The following MMP16 variants were observed in gnomAD, a reference collection of about 807,000 sequenced individuals.
The protein encoded by MMP16 is matrix metalloproteinase-16.
In MMP16, 12 loss-of-function variants were observed where a neutral mutation model predicts 67.8. The observed-to-expected ratio is 0.18, with a 90% CI of 0.11 to 0.29. The LOEUF is 0.29. Ranked by LOEUF, MMP16 falls within the 10% of genes least tolerant of loss-of-function variation. The pLI is 1.00. For missense variants in MMP16, 475 were observed against 765.7 expected, an observed-to-expected ratio of 0.62 and a Z score of 4.48; for synonymous variants, 249 against 255.9, an observed-to-expected ratio of 0.97 and a Z score of 0.26.
chr8:88,218,568 G>A, intron 1 of MMP16, among the ~76,000 whole-genome samples: 1 of 151,984 alleles, frequency 6.6e-6, no homozygotes, highest in East Asian at 1.9e-4. Flanking sequence ...CACAATGTAT[G>A]TTTATCAAAA....
chr8:88,181,344 T>C lies in MMP16; in HGVS notation c.404+5132A>G, dbSNP rs192478475. Among the ~76,000 whole-genome samples, 436 of 152,142 alleles carry C rather than the reference T, an allele frequency of 2.9e-3. 3 individuals are homozygous for C. Among genetic ancestry groups the C allele is most frequent in the African/African-American group, 1.0e-2 (415 of 41,552 alleles). ...AAGCAATTATAGTAAAGTTGCAGGA[T>C]ACAAGGTTAATATATAAAAGTCAAT... On this transcript the variant is annotated intron_variant, in intron 3 of 9. Transcript: ENST00000286614.
chr8:88,226,780 T>C (rs1048136205), intron 1 of MMP16, among the ~76,000 whole-genome samples: 2 of 152,012 alleles, frequency 1.3e-5, no homozygotes, highest in African/African-American at 4.8e-5. Flanking sequence ...CAGTTGACCA[T>C]TCTGGTCAGC....
At chr8:88,172,385 G>A (rs552898913) in intron 3 of MMP16, among the ~76,000 whole-genome samples, 12 of 152,242 alleles carry the variant, frequency 7.9e-5, no homozygotes, top group African/African-American at 1.2e-4. Context: ...TAGAGCTAGA[G>A]TTCTGAACTA....
intron 3 of MMP16, among the ~76,000 whole-genome samples, chr8:88,170,572 G>C (rs182531874): frequency 6.6e-6 from 1 of 152,152 alleles, no homozygotes; most frequent in Non-Finnish European, 1.5e-5. Context: ...CACTGTTCCA[G>C]GTGCCAGAGA....
intron 1 of MMP16, among the ~76,000 whole-genome samples, chr8:88,267,034 T>G (rs1038157255): frequency 5.9e-5 from 9 of 152,202 alleles, no homozygotes; most frequent in Non-Finnish European, 1.2e-4. Flanking sequence ...AATGCTAATT[T>G]CTATGGCACT....
intron 1 of MMP16, among the ~76,000 whole-genome samples, chr8:88,265,221 TCC>T (rs1810455441): frequency 1.7e-5 from 2 of 117,912 alleles, no homozygotes; most frequent in Admixed American, 1.2e-4. Flanking sequence ...AATGACCATT[TCC>T]TTTTTTTTTT....
intron 6 of MMP16, among the ~76,000 whole-genome samples, chr8:88,098,455 A>T (rs923732110): frequency 6.6e-6 from 1 of 151,930 alleles, no homozygotes; most frequent in Non-Finnish European, 1.5e-5. Flanking sequence ...CTACCCTATG[A>T]TCCAGTGTCA....
Position 88,033,667 on chromosome 8 carries a change from C to T in MMP16, c.*7794G>A, listed in dbSNP as rs1354260481. The T allele has an allele frequency of 1.3e-5, 2 of 151,834 alleles. No individual in the cohort carries two copies. The highest frequency in any genetic ancestry group is 2.9e-5 in the Non-Finnish European group (2 of 67,900). The allele number at this position is 151,834 out of a possible 1,614,324, so 9.4% of individuals were successfully genotyped here. ...AGATCTATTTGTTTAAAATCAGATA[C>T]CTAAAAAAATCTTTCAAAACTTTTA... On this transcript the variant is annotated 3_prime_UTR_variant, in exon 10 of 10. Transcript: ENST00000286614.
At chr8:88,278,631 C>G (rs538955221) in intron 1 of MMP16, among the ~76,000 whole-genome samples, 3 of 152,206 alleles carry the variant, frequency 2.0e-5, no homozygotes, top group African/African-American at 4.8e-5. Flanking sequence ...AACAAACACA[C>G]AAGAAGCATG....
chr8:88,232,718 C>T (rs1809881033), intron 1 of MMP16, among the ~76,000 whole-genome samples: 1 of 152,138 alleles, frequency 6.6e-6, no homozygotes, highest in Non-Finnish European at 1.5e-5. Flanking sequence ...AACACCTATC[C>T]TGCACAGTGA....
chr8:88,327,326 T>G lies in MMP16; in HGVS notation c.-120A>C. On this transcript the variant is annotated 5_prime_UTR_variant, in exon 1 of 10. Coordinates refer to ENST00000286614, the MANE Select transcript of MMP16 (RefSeq NM_005941.5). The stretch of plus-strand genomic sequence containing the variant: ...TCCGGGTGGGTAAGGAGCCTGCAGG[T>G]TCACCCACAGCCGGGCAAGGGGAGG... 259 of 1,210,708 alleles carry G rather than the reference T, an allele frequency of 2.1e-4. No individual in the cohort carries two copies. Among genetic ancestry groups the G allele is most frequent in the East Asian group, 4.9e-4 (18 of 36,366 alleles). The allele number at this position is 1,210,708 out of a possible 1,614,324, so 75.0% of individuals were successfully genotyped here.
intron 8 of MMP16, among the ~76,000 whole-genome samples, chr8:88,047,108 T>C (rs1391739963): frequency 6.6e-6 from 1 of 152,196 alleles, no homozygotes; most frequent in African/African-American, 2.4e-5. Context: ...GCTAAGTATA[T>C]TTATAGTTCA....
chr8:88,138,990 G>T (rs1808168264), intron 4 of MMP16, among the ~76,000 whole-genome samples: 1 of 152,060 alleles, frequency 6.6e-6, no homozygotes. Flanking sequence ...ATTTGAAAAT[G>T]TTTCTGGTAA....
chr8:88,307,456 T>C (rs919793077), intron 1 of MMP16, among the ~76,000 whole-genome samples: 4 of 152,068 alleles, frequency 2.6e-5, no homozygotes, highest in Admixed American at 1.3e-4. Context: ...TAGAGAATGT[T>C]AAATAGAAAA....
chr8:88,291,431 G>A (rs1248410729), intron 1 of MMP16, among the ~76,000 whole-genome samples: 1 of 152,180 alleles, frequency 6.6e-6, no homozygotes, highest in Non-Finnish European at 1.5e-5. Flanking sequence ...GCTACTACCA[G>A]AAACTGCAGG....
chr8:88,149,293 C>T (rs983216096), intron 4 of MMP16, among the ~76,000 whole-genome samples: 3 of 152,200 alleles, frequency 2.0e-5, no homozygotes, highest in East Asian at 1.9e-4. Context: ...GAGGGGCGCC[C>T]GCCATTGCCC....
At chr8:88,129,687 A>AT (rs1302789502) in intron 4 of MMP16, among the ~76,000 whole-genome samples, 2 of 151,648 alleles carry the variant, frequency 1.3e-5, no homozygotes, top group African/African-American at 2.4e-5. Flanking sequence ...CCAAGCATGT[A>AT]TTTTTTCATA....
chr8:88,129,074 A>G (rs1807984234), intron 4 of MMP16, among the ~76,000 whole-genome samples: 1 of 151,772 alleles, frequency 6.6e-6, no homozygotes, highest in South Asian at 2.1e-4. Flanking sequence ...TTGTGTATTG[A>G]GTTACTAGAG....
At chr8:88,127,055 A>T (rs2118460670) in intron 4 of MMP16, among the ~76,000 whole-genome samples, 1 of 152,002 alleles carries the variant, frequency 6.6e-6, no homozygotes, top group African/African-American at 2.4e-5. Flanking sequence ...CGCAGTAAGT[A>T]AAAAGGCTGT....
Sources: gnomAD v4.1 joint callset for allele counts (sites outside exome capture counted in the v4.1 genomes callset) on GRCh38, gnomAD v4.1.1 for gene constraint, MANE v1.5 for transcripts, NCBI Gene and HGNC (gene_info 2026-07-23, HGNC 2026-07-21) for gene names.